GTPBP10: variants seen among roughly 807,000 people sequenced by gnomAD.
GTPBP10 encodes the protein GTP-binding protein 10.
GTPBP10 carries 38 observed loss-of-function variants against 44.8 expected under a neutral mutation model. The ratio of observed to expected loss-of-function variants is 0.85; its 90% CI spans 0.65 to 1.11. The LOEUF is 1.11. Among genes scored for constraint, GTPBP10 ranks in the 50% most tolerant of loss-of-function variants. The probability of loss-of-function intolerance (pLI) is 0.00; values close to 1 mark genes in which losing one functional copy is unlikely to be tolerated. For missense variants in GTPBP10, 462 were observed against 453.7 expected (o/e 1.02, Z -0.17); for synonymous variants, 152 against 150.6 (o/e 1.01, Z -0.07).
At position 90,346,734 on chromosome 7, in the gene GTPBP10, T is replaced by C; in HGVS notation, c.-8T>C. On this transcript the variant is annotated 5_prime_UTR_variant, in exon 1 of 10. Transcript: ENST00000222511. Reference sequence around the variant, plus strand: ...TTCCGCAAGAAGGTTTCCTGGCCTGTTGCAGCCATGGTGCATTGCAGTTGC... The same window carrying C: ...TTCCGCAAGAAGGTTTCCTGGCCTGCTGCAGCCATGGTGCATTGCAGTTGC... 6.2e-7 allele frequency: 1 copy of C among 1,614,248 alleles called. No individual in the cohort carries two copies. The highest frequency in any genetic ancestry group is 8.5e-7 in the Non-Finnish European group (1 of 1,180,032).
intron 2 of GTPBP10, among the ~76,000 whole-genome samples, chr7:90,353,402 T>C (rs1795833358): frequency 6.6e-6 from 1 of 152,256 alleles, no homozygotes; most frequent in Non-Finnish European, 1.5e-5. Flanking sequence ...TCTTGACTTT[T>C]CTAAGACTTT....
At chr7:90,354,264 A>T (rs777662773) in intron 2 of GTPBP10, among the ~76,000 whole-genome samples, 194 bp from the exon 3 acceptor site, 45 of 152,142 alleles carry the variant, frequency 3.0e-4, no homozygotes, top group Non-Finnish European at 1.2e-4. Flanking sequence ...TTTTAGTGGG[A>T]TATAATAGTC....
intron 4 of GTPBP10, among the ~76,000 whole-genome samples, chr7:90,364,465 A>G (rs962241131): frequency 6.6e-6 from 1 of 152,176 alleles, no homozygotes; most frequent in Non-Finnish European, 1.5e-5. Context: ...GCTGAACAGC[A>G]AATGTTGCTG....
At chr7:90,371,817 A>C (rs1796262887) in intron 4 of GTPBP10, among the ~76,000 whole-genome samples, 1 of 152,084 alleles carries the variant, frequency 6.6e-6, no homozygotes, top group Non-Finnish European at 1.5e-5. Flanking sequence ...AAACAAGGTA[A>C]TGTTTTGTCA....
intron 8 of GTPBP10, among the ~76,000 whole-genome samples, chr7:90,382,023 A>G (rs1796442867): frequency 6.6e-6 from 1 of 152,172 alleles, no homozygotes; most frequent in Non-Finnish European, 1.5e-5. Flanking sequence ...GTGACCCCAA[A>G]GCACAGGCAA....
intron 4 of GTPBP10, among the ~76,000 whole-genome samples, chr7:90,358,635 A>G (rs1035214987): frequency 6.6e-6 from 1 of 152,240 alleles, no homozygotes; most frequent in Non-Finnish European, 1.5e-5. Flanking sequence ...AAAGATTTTA[A>G]TCTAAGACCT....
intron 5 of GTPBP10, 38 bp from the exon 6 acceptor site, chr7:90,374,264 A>T (rs1336387107): frequency 1.4e-6 from 2 of 1,418,322 alleles, no homozygotes; most frequent in Non-Finnish European, 2.0e-6. Context: ...GCCCTAAAAT[A>T]AATTCTAGCC....
intron 4 of GTPBP10, among the ~76,000 whole-genome samples, chr7:90,355,715 G>A (rs941323701): frequency 2.0e-5 from 3 of 152,072 alleles, no homozygotes; most frequent in African/African-American, 7.2e-5. Flanking sequence ...ACGCACTGTT[G>A]CCGCCAAATT....
At chr7:90,377,991 GT>G (rs1796371305) in intron 7 of GTPBP10, 142 bp from the exon 8 acceptor site, 1 of 1,115,686 alleles carries the variant, frequency 9.0e-7, no homozygotes, top group African/African-American at 1.6e-5. Context: ...CTCGATTTCT[GT>G]TACTTATTTT....
chr7:90,363,345 C>T (rs960718252), intron 4 of GTPBP10, among the ~76,000 whole-genome samples: 1 of 152,196 alleles, frequency 6.6e-6, no homozygotes, highest in Non-Finnish European at 1.5e-5. Context: ...GACAAAATCT[C>T]TCAGCATTTG....
intron 6 of GTPBP10, among the ~76,000 whole-genome samples, chr7:90,374,587 T>G (rs1796312990): frequency 6.6e-6 from 1 of 152,222 alleles, no homozygotes; most frequent in African/African-American, 2.4e-5. Flanking sequence ...TATGTCTTCT[T>G]CTTAGCCTTA....
chr7:90,351,568 GT>G (rs1355425292), intron 1 of GTPBP10, among the ~76,000 whole-genome samples: 1 of 151,938 alleles, frequency 6.6e-6, no homozygotes, highest in Non-Finnish European at 1.5e-5. Flanking sequence ...TTTTCAAATT[GT>G]TGCAAAGCTC....
At chr7:90,377,678 T>C in intron 7 of GTPBP10, 64 bp downstream of exon 7, 1 of 1,116,444 alleles carries the variant, frequency 9.0e-7, no homozygotes, top group Non-Finnish European at 1.3e-6. Flanking sequence ...TTAGTTTTTC[T>C]AGAATTTTTT....
chr7:90,365,618 C>T (rs201925131), intron 4 of GTPBP10, among the ~76,000 whole-genome samples: 52 of 151,990 alleles, frequency 3.4e-4, no homozygotes, highest in African/African-American at 1.1e-3. Flanking sequence ...CCTCGTGATC[C>T]GCCCACCTCG....
rs1796593539 is a variant in GTPBP10, at chr7:90,390,317, G to C, written c.*5163G>C. On this transcript the variant is annotated 3_prime_UTR_variant, in exon 10 of 10. Coordinates refer to ENST00000222511, the MANE Select transcript of GTPBP10 (RefSeq NM_033107.4). ...ATCAGTTGTGGTTATTGCCTCACTT[G>C]GCTTTTGTAAGCATGAAAAAGCCAG... 1 of 152,110 alleles carries C rather than the reference G, an allele frequency of 6.6e-6. No homozygotes were observed. Among genetic ancestry groups the C allele is most frequent in the African/African-American group, 2.4e-5 (1 of 41,414 alleles). The allele number at this position is 152,110 out of a possible 1,614,324, so 9.4% of individuals were successfully genotyped here.
chr7:90,351,267 G>C (rs924127817), intron 1 of GTPBP10, among the ~76,000 whole-genome samples: 1 of 152,120 alleles, frequency 6.6e-6, no homozygotes, highest in African/African-American at 2.4e-5. Context: ...TGTAAGTTTT[G>C]ATAAATTTTA....
chr7:90,377,470 A>G, intron 6 of GTPBP10, 37 bp from the exon 7 acceptor site: 1 of 1,420,084 alleles, frequency 7.0e-7, no homozygotes, highest in Non-Finnish European at 9.7e-7. Flanking sequence ...GTTTTCATAC[A>G]TTTTCCTTTT....
chr7:90,376,499 G>A (rs1796346759), intron 6 of GTPBP10, among the ~76,000 whole-genome samples: 1 of 152,148 alleles, frequency 6.6e-6, no homozygotes, highest in Non-Finnish European at 1.5e-5. Flanking sequence ...AGCATGCTCA[G>A]GTGAATGAAC....
intron 1 of GTPBP10, among the ~76,000 whole-genome samples, chr7:90,348,864 T>TCTGC (rs1180250624): frequency 1.2e-4 from 19 of 152,358 alleles, no homozygotes; most frequent in Non-Finnish European, 2.2e-4. Flanking sequence ...TAGGAGCTCT[T>TCTGC]CTGCCAGATT....
Sources: gnomAD v4.1 joint callset for allele counts (sites outside exome capture counted in the v4.1 genomes callset) on GRCh38, gnomAD v4.1.1 for gene constraint, MANE v1.5 for transcripts, NCBI Gene and HGNC (gene_info 2026-07-23, HGNC 2026-07-21) for gene names.